LARGE1: variants seen among roughly 807,000 people sequenced by gnomAD.
LARGE1 encodes the protein xylosyl- and glucuronyltransferase LARGE1.
A neutral mutation model predicts 87.6 loss-of-function variants in LARGE1; 43 were observed. The observed-to-expected ratio is 0.49, with a 90% CI of 0.38 to 0.63. The LOEUF (loss-of-function observed/expected upper bound fraction) is 0.63, where lower values mean the gene tolerates loss of function less well. Ranked by LOEUF, LARGE1 falls within the 30% of genes least tolerant of loss-of-function variation. The pLI is 0.00. For missense variants in LARGE1, 802 were observed against 1,000.2 expected (o/e 0.80, Z 2.67); for synonymous variants, 434 against 394.6 (o/e 1.10, Z -1.18).
intron 11 of LARGE1, among the ~76,000 whole-genome samples, chr22:33,248,602 A>G (rs1926876041): frequency 6.6e-6 from 1 of 152,118 alleles, no homozygotes; most frequent in Non-Finnish European, 1.5e-5. Context: ...TTTAGAGTTT[A>G]CTCTTGGTGT....
chr22:33,651,572 G>C (rs1216883846), intron 2 of LARGE1, among the ~76,000 whole-genome samples: 2 of 152,032 alleles, frequency 1.3e-5, no homozygotes, highest in South Asian at 4.2e-4. Flanking sequence ...TTTGTATGTA[G>C]CGCTATGAAA....
At chr22:33,662,911 A>G (rs2081170305) in intron 2 of LARGE1, among the ~76,000 whole-genome samples, 1 of 152,186 alleles carries the variant, frequency 6.6e-6, no homozygotes, top group Non-Finnish European at 1.5e-5. Flanking sequence ...CCTGTAAGTG[A>G]CTGTCCTCCT....
chr22:33,671,883 G>T (rs372064996), intron 2 of LARGE1, among the ~76,000 whole-genome samples: 2 of 152,048 alleles, frequency 1.3e-5, no homozygotes, highest in Non-Finnish European at 1.5e-5. Context: ...GGCCATTCTT[G>T]TCTGTATGTG....
intron 3 of LARGE1, among the ~76,000 whole-genome samples, chr22:33,641,211 C>T (rs1175776463): frequency 6.6e-6 from 1 of 152,188 alleles, no homozygotes; most frequent in Admixed American, 6.5e-5. Flanking sequence ...AGGCAGCAAT[C>T]TTTGTTGTTC....
chr22:33,396,539 T>C (rs1407460244), intron 7 of LARGE1, among the ~76,000 whole-genome samples: 1 of 147,766 alleles, frequency 6.8e-6, no homozygotes, highest in Non-Finnish European at 1.5e-5. Context: ...TGGAAATCCT[T>C]CCATCTCAAA....
chr22:33,707,116 C>T (rs1015464537), intron 2 of LARGE1, among the ~76,000 whole-genome samples: 5 of 152,170 alleles, frequency 3.3e-5, no homozygotes, highest in Admixed American at 6.5e-5. Flanking sequence ...AACTGGCACG[C>T]GAGACCAATT....
chr22:33,292,008 C>T (rs1932680336), intron 12 of LARGE1, among the ~76,000 whole-genome samples: 1 of 152,130 alleles, frequency 6.6e-6, no homozygotes, highest in South Asian at 2.1e-4. Context: ...GCAGGAGAAT[C>T]GCTTGAACCA....
intron 5 of LARGE1, among the ~76,000 whole-genome samples, chr22:33,597,531 T>C (rs551119608): frequency 4.4e-4 from 67 of 152,240 alleles, no homozygotes; most frequent in Admixed American, 3.3e-3. Flanking sequence ...CCATCCTCCA[T>C]AGAGACCAGC....
chr22:33,313,474 C>T (rs905092513), intron 11 of LARGE1, among the ~76,000 whole-genome samples: 3 of 152,220 alleles, frequency 2.0e-5, no homozygotes, highest in Non-Finnish European at 2.9e-5. Flanking sequence ...CCCAGATTCC[C>T]GCCCCGCTGG....
intron 11 of LARGE1, among the ~76,000 whole-genome samples, chr22:33,229,825 T>C (rs1298984963): frequency 1.3e-5 from 2 of 151,922 alleles, no homozygotes; most frequent in Non-Finnish European, 2.9e-5. Context: ...AACCAATCCA[T>C]ATCTTAACAC....
intron 10 of LARGE1, among the ~76,000 whole-genome samples, chr22:33,331,774 G>C (rs1258114180): frequency 1.3e-5 from 2 of 152,096 alleles, no homozygotes; most frequent in Non-Finnish European, 2.9e-5. Context: ...AGGTCCTCGA[G>C]TGATCATGCT....
intron 12 of LARGE1, among the ~76,000 whole-genome samples, chr22:33,303,433 T>C (rs1477745208): frequency 6.6e-6 from 1 of 152,142 alleles, no homozygotes; most frequent in African/African-American, 2.4e-5. Flanking sequence ...CGGCAGGGAC[T>C]TTGGGGGAGG....
At chr22:33,855,747 C>T (rs2063739071) in intron 1 of LARGE1, among the ~76,000 whole-genome samples, 2 of 152,138 alleles carry the variant, frequency 1.3e-5, no homozygotes, top group Non-Finnish European at 2.9e-5. Context: ...GGGTTCCTTA[C>T]TTTTTCATCA....
chr22:33,075,227 T>C, the LARGE1 span, among the ~76,000 whole-genome samples: 1 of 152,212 alleles, frequency 6.6e-6, no homozygotes, highest in Non-Finnish European at 1.5e-5. Context: ...GAGGGAGATA[T>C]GGTAGCTATT....
At chr22:33,738,203 T>C (rs1180528918) in intron 2 of LARGE1, among the ~76,000 whole-genome samples, 1 of 152,064 alleles carries the variant, frequency 6.6e-6, no homozygotes, top group Non-Finnish European at 1.5e-5. Context: ...GGAATGCAAA[T>C]AAAGCCCATT....
chr22:33,683,261 T>C (rs1273955697), intron 2 of LARGE1, among the ~76,000 whole-genome samples: 1 of 152,196 alleles, frequency 6.6e-6, no homozygotes, highest in Non-Finnish European at 1.5e-5. Flanking sequence ...ATCCAATCAA[T>C]TGAAGATCTG....
intron 7 of LARGE1, among the ~76,000 whole-genome samples, chr22:33,412,510 C>G (rs999359570): frequency 3.3e-5 from 5 of 152,080 alleles, no homozygotes; most frequent in African/African-American, 1.2e-4. Context: ...TCCCGCCATA[C>G]AGACATGGCA....
At position 33,274,342 on chromosome 22, in the gene LARGE1, A is replaced by C; in HGVS notation, c.*85T>G. 1 of 1,394,062 alleles carries C rather than the reference A, an allele frequency of 7.2e-7. No individual in the cohort carries two copies. The highest frequency in any genetic ancestry group is 1.0e-6 in the Non-Finnish European group (1 of 980,630). 86.4% of individuals were successfully genotyped at this position (1,394,062 alleles called of 1,614,324 possible). Reference sequence around the variant, plus strand: ...AAAACAAACCGAAAAAGCATGGCTCAATTTTGAATTTGAAGGCCGGGCCCC... The same window carrying C: ...AAAACAAACCGAAAAAGCATGGCTCCATTTTGAATTTGAAGGCCGGGCCCC... On this transcript the variant is annotated 3_prime_UTR_variant, in exon 15 of 15. Transcript: ENST00000397394.
At chr22:33,604,173 T>C (rs2079185886) in intron 5 of LARGE1, among the ~76,000 whole-genome samples, 1 of 152,228 alleles carries the variant, frequency 6.6e-6, no homozygotes, top group Non-Finnish European at 1.5e-5. Flanking sequence ...TTTCAGATTA[T>C]ACACCAGGCC....
Sources: allele counts gnomAD v4.1 joint callset (sites outside exome capture counted in the v4.1 genomes callset), GRCh38; gene constraint gnomAD v4.1.1; transcripts MANE v1.5; gene names NCBI Gene and HGNC (gene_info 2026-07-23, HGNC 2026-07-21).